POC1A: variants seen among roughly 807,000 people sequenced by gnomAD.
POC1A encodes POC1 centriolar protein homolog A.
A neutral mutation model predicts 47.8 loss-of-function variants in POC1A; 34 were observed. The observed-to-expected ratio is 0.71, with a 90% CI of 0.54 to 0.95. POC1A has a LOEUF of 0.95. Among genes scored for constraint, POC1A ranks in the 40% least tolerant of loss-of-function variants. POC1A has a pLI of 0.00. For missense variants in POC1A, 466 were observed against 528.3 expected, an observed-to-expected ratio of 0.88 and a Z score of 1.16; for synonymous variants, 177 against 207.6, an observed-to-expected ratio of 0.85 and a Z score of 1.27.
chr3:52,100,912 A>G (rs1442844781), intron 9 of POC1A, among the ~76,000 whole-genome samples: 3 of 151,984 alleles, frequency 2.0e-5, no homozygotes, highest in Non-Finnish European at 4.4e-5. Context: ...CAAATATAAA[A>G]ACACCTCTTC....
chr3:52,146,721 CA>C (rs1698377322), intron 5 of POC1A, among the ~76,000 whole-genome samples: 1 of 152,214 alleles, frequency 6.6e-6, no homozygotes, highest in Non-Finnish European at 1.5e-5. Flanking sequence ...AAGAGGAGCA[CA>C]AATAATTACA....
chr3:52,105,560 T>TGAG (rs1703148630), intron 9 of POC1A, among the ~76,000 whole-genome samples: 1 of 152,196 alleles, frequency 6.6e-6, no homozygotes, highest in African/African-American at 2.4e-5. Context: ...ACGGGCGTTT[T>TGAG]CTCAAATCAG....
At chr3:52,093,024 C>T (rs1577819102) in intron 10 of POC1A, among the ~76,000 whole-genome samples, 1 of 152,194 alleles carries the variant, frequency 6.6e-6, no homozygotes, top group East Asian at 1.9e-4. Flanking sequence ...TTGCTCGCGT[C>T]TCAACTTCTC....
intron 9 of POC1A, among the ~76,000 whole-genome samples, chr3:52,119,898 C>T (rs977757299): frequency 1.3e-5 from 2 of 152,160 alleles, no homozygotes; most frequent in South Asian, 2.1e-4. Context: ...AGTACATGGA[C>T]AGTGCTGGAG....
intron 9 of POC1A, among the ~76,000 whole-genome samples, chr3:52,111,757 ACT>A (rs1370465616): frequency 6.6e-6 from 1 of 151,378 alleles, no homozygotes; most frequent in African/African-American, 2.4e-5. Flanking sequence ...TCAGACAGAG[ACT>A]CTCACCCATC....
At chr3:52,120,674 C>T (rs1703748214) in intron 9 of POC1A, among the ~76,000 whole-genome samples, 1 of 152,162 alleles carries the variant, frequency 6.6e-6, no homozygotes, top group African/African-American at 2.4e-5. Flanking sequence ...ACAGTGAGGG[C>T]CAGTGGGCAG....
intron 10 of POC1A, 131 bp from the exon 11 acceptor site, chr3:52,076,116 G>T (rs1702106522): frequency 1.5e-6 from 1 of 673,172 alleles, no homozygotes; most frequent in East Asian, 2.8e-5. Context: ...CCACCCAGGG[G>T]TTCTGCCAGG....
At chr3:52,092,924 G>C (rs1177145958) in intron 10 of POC1A, among the ~76,000 whole-genome samples, 1 of 152,204 alleles carries the variant, frequency 6.6e-6, no homozygotes, top group Non-Finnish European at 1.5e-5. Context: ...CCACTTGCTG[G>C]CTTGCTCCGG....
At chr3:52,145,364 G>A (rs991774595) in intron 6 of POC1A, among the ~76,000 whole-genome samples, 3 of 152,166 alleles carry the variant, frequency 2.0e-5, no homozygotes, top group Non-Finnish European at 2.9e-5. Flanking sequence ...CTACATCTGC[G>A]GAGGACACTG....
intron 1 of POC1A, among the ~76,000 whole-genome samples, chr3:52,153,583 A>G (rs1698623944): frequency 6.6e-6 from 1 of 152,242 alleles, no homozygotes; most frequent in Non-Finnish European, 1.5e-5. Flanking sequence ...CCCTAGGCTC[A>G]GTGGGCAGAG....
intron 9 of POC1A, among the ~76,000 whole-genome samples, chr3:52,106,116 A>G (rs573088577): frequency 7.4e-5 from 11 of 149,022 alleles, no homozygotes; most frequent in African/African-American, 2.2e-4. Flanking sequence ...AATGACATGA[A>G]CCTGGGAGGC....
chr3:52,112,393 A>C (rs1703415906), intron 9 of POC1A, among the ~76,000 whole-genome samples: 1 of 152,228 alleles, frequency 6.6e-6, no homozygotes, highest in African/African-American at 2.4e-5. Context: ...TAATCTCAGC[A>C]CTTTGGGAGG....
At chr3:52,146,595 A>C (rs1026599812) in intron 5 of POC1A, among the ~76,000 whole-genome samples, 1 of 152,276 alleles carries the variant, frequency 6.6e-6, no homozygotes, top group Non-Finnish European at 1.5e-5. Context: ...AATTTTGTAA[A>C]GCCATCATCA....
chr3:52,117,909 G>A, intron 9 of POC1A, among the ~76,000 whole-genome samples: 1 of 152,236 alleles, frequency 6.6e-6, no homozygotes, highest in East Asian at 1.9e-4. Flanking sequence ...TAGTGGCAGG[G>A]GTTTGGGAGG....
chr3:52,084,755 A>T lies in POC1A; in HGVS notation c.1126-8770T>A, dbSNP rs1052461806. On this transcript the variant is annotated intron_variant, in intron 10 of 10. Transcript: ENST00000296484. This position sits in a 1 kb window ranked among gnomAD's most constrained non-coding sequence, Gnocchi z 4.3. ...CCCATATCCACATCCTGCTCTTAGC[A>T]GAGCCCTGGGTGGTGGTACCTGGGG... is the stretch of plus-strand genomic sequence containing the variant. 1.1e-4 allele frequency among the ~76,000 whole-genome samples: 17 copies of T among 152,222 alleles called. No individual in the cohort carries two copies. The highest frequency in any genetic ancestry group is 2.9e-5 in the Non-Finnish European group (2 of 68,046).
Position 52,090,127 on chromosome 3 carries a change from G to C in POC1A, c.1125+6442C>G, listed in dbSNP as rs908562651. ...AATGCCAAAGAGACCCAAACAAGCA[G>C]GGCTGGTGGGCTTGCTCCCTGCCTG... On this transcript the variant is annotated intron_variant, in intron 10 of 10. Coordinates refer to ENST00000296484, the MANE Select transcript of POC1A (RefSeq NM_015426.5). The surrounding 1 kb of genome is among the most constrained non-coding windows in gnomAD (Gnocchi z 4.2). Among the ~76,000 whole-genome samples, 1 of 152,124 alleles carries C rather than the reference G, an allele frequency of 6.6e-6. No homozygotes were observed. The highest frequency in any genetic ancestry group is 1.5e-5 in the Non-Finnish European group (1 of 68,026).
At chr3:52,091,116 G>A (rs1410583090) in intron 10 of POC1A, among the ~76,000 whole-genome samples, 1 of 152,186 alleles carries the variant, frequency 6.6e-6, no homozygotes, top group Non-Finnish European at 1.5e-5. Context: ...GGCCCAGCAG[G>A]TGAGTGACCC....
chr3:52,094,548 G>T (rs762188348), intron 10 of POC1A, among the ~76,000 whole-genome samples: 45 of 152,252 alleles, frequency 3.0e-4, no homozygotes, highest in Non-Finnish European at 5.3e-4. Flanking sequence ...CAACAGTCAA[G>T]CCCAAGGAGA....
intron 7 of POC1A, among the ~76,000 whole-genome samples, chr3:52,133,280 G>A (rs1397973398): frequency 2.6e-5 from 4 of 152,142 alleles, no homozygotes; most frequent in African/African-American, 9.7e-5. Context: ...CGGAAGCAGA[G>A]GGCAGCCTTC....
Sources: gnomAD v4.1 joint callset for allele counts (sites outside exome capture counted in the v4.1 genomes callset) on GRCh38, gnomAD v4.1.1 for gene constraint, Gnocchi (gnomAD v3.1) non-coding constraint, MANE v1.5 for transcripts, NCBI Gene and HGNC (gene_info 2026-07-23, HGNC 2026-07-21) for gene names.